ADAM22: variants seen among roughly 807,000 people sequenced by gnomAD.
ADAM22 encodes the protein disintegrin and metalloproteinase domain-containing protein 22.
Under a neutral mutation model 144.6 loss-of-function variants are expected in ADAM22, and 65 were observed. The ratio of observed to expected loss-of-function variants is 0.45; its 90% CI spans 0.37 to 0.55. ADAM22 has a LOEUF of 0.55. Among genes scored for constraint, ADAM22 ranks in the 20% least tolerant of loss-of-function variants. ADAM22 has a pLI of 0.00. For missense variants in ADAM22, 974 were observed against 1,184.9 expected (o/e 0.82, Z 2.61); for synonymous variants, 391 against 412.6 (o/e 0.95, Z 0.63).
chr7:88,177,499 A>G (rs1439563454), intron 26 of ADAM22, among the ~76,000 whole-genome samples: 3 of 152,186 alleles, frequency 2.0e-5, no homozygotes, highest in Non-Finnish European at 4.4e-5. Flanking sequence ...TGGAGGAATC[A>G]TATCAAAAAG....
At chr7:88,116,897 A>G in intron 7 of ADAM22, 83 bp downstream of exon 7, 1 of 1,041,570 alleles carries the variant, frequency 9.6e-7, no homozygotes, top group Non-Finnish European at 1.4e-6. Context: ...CTATATTTGG[A>G]ATATCATTAG....
chr7:87,940,356 T>C (rs1397187444), intron 2 of ADAM22, among the ~76,000 whole-genome samples: 1 of 152,154 alleles, frequency 6.6e-6, no homozygotes, highest in Admixed American at 6.5e-5. Context: ...AAATCAGCAA[T>C]GTATTACTTA....
At chr7:88,147,561 G>A (rs1204613178) in intron 17 of ADAM22, among the ~76,000 whole-genome samples, 2 of 152,222 alleles carry the variant, frequency 1.3e-5, no homozygotes, top group Non-Finnish European at 2.9e-5. Flanking sequence ...AATCAGTGAA[G>A]TTTGACCCAT....
intron 30 of ADAM22, 78 bp from the exon 31 acceptor site, chr7:88,193,038 G>A: frequency 6.4e-7 from 1 of 1,572,900 alleles, no homozygotes; most frequent in Non-Finnish European, 8.7e-7. Flanking sequence ...CAGAGGGTTT[G>A]TTCTGAACAC....
chr7:88,118,762 T>A (rs924409717), intron 7 of ADAM22, among the ~76,000 whole-genome samples: 1 of 151,958 alleles, frequency 6.6e-6, no homozygotes, highest in Non-Finnish European at 1.5e-5. Flanking sequence ...AAATGATTTT[T>A]AGACACATTC....
intron 3 of ADAM22, among the ~76,000 whole-genome samples, chr7:87,998,086 A>G (rs1791654885): frequency 6.6e-6 from 1 of 152,154 alleles, no homozygotes; most frequent in Admixed American, 6.5e-5. Context: ...TGAAGGCAGG[A>G]AGCATCCAGC....
At chr7:88,115,463 G>A (rs1409274299) in intron 6 of ADAM22, among the ~76,000 whole-genome samples, 1 of 152,130 alleles carries the variant, frequency 6.6e-6, no homozygotes, top group East Asian at 1.9e-4. Context: ...TTGACATCTG[G>A]TGAGGGCTCT....
intron 3 of ADAM22, among the ~76,000 whole-genome samples, chr7:88,007,271 A>G (rs1033607366): frequency 3.6e-4 from 55 of 152,304 alleles, no homozygotes; most frequent in African/African-American, 1.2e-3. Flanking sequence ...ATGGAAGAAC[A>G]TTCCATGCTC....
At chr7:88,100,175 C>T (rs1259935927) in intron 4 of ADAM22, among the ~76,000 whole-genome samples, 1 of 151,762 alleles carries the variant, frequency 6.6e-6, no homozygotes. Flanking sequence ...AGAATTATTC[C>T]AAAATAAGTC....
chr7:88,164,437 G>T (rs1842493324), intron 23 of ADAM22, among the ~76,000 whole-genome samples: 1 of 151,872 alleles, frequency 6.6e-6, no homozygotes, highest in South Asian at 2.1e-4. Flanking sequence ...TATATTTGGG[G>T]TAATTTTAAC....
At chr7:88,175,700 ATT>A (rs1303389442) in intron 26 of ADAM22, among the ~76,000 whole-genome samples, 1 of 152,222 alleles carries the variant, frequency 6.6e-6, no homozygotes, top group Non-Finnish European at 1.5e-5. Flanking sequence ...AGTTTCCAAA[ATT>A]TGATGAAATA....
At position 88,049,157 on chromosome 7, in the gene ADAM22, C is replaced by G. The variant is rs568874916; in HGVS notation, c.324-26469C>G. 1.3e-3 allele frequency among the ~76,000 whole-genome samples: 191 copies of G among 152,308 alleles called. 7 individuals are homozygous for G. In the South Asian group the frequency reaches 0.039, roughly 31 times the overall value. On this transcript the variant is annotated intron_variant, in intron 3 of 31. Transcript: ENST00000413139. ...TGGTTGTTCTCAGAAGAGGCCTCCA[C>G]CTGAGGCTTTAATGACTGCTAACTA... is the stretch of plus-strand genomic sequence containing the variant.
At chr7:88,133,385 A>AATAC (rs1832271263) in intron 12 of ADAM22, among the ~76,000 whole-genome samples, 1 of 150,724 alleles carries the variant, frequency 6.6e-6, no homozygotes, top group Admixed American at 6.6e-5. Flanking sequence ...TAAATAAATA[A>AATAC]ATAAATAAAT....
chr7:88,137,294 A>G (rs1833233813), intron 14 of ADAM22, among the ~76,000 whole-genome samples: 1 of 152,076 alleles, frequency 6.6e-6, no homozygotes, highest in Admixed American at 6.5e-5. Context: ...AAATTGTGTG[A>G]GTCTCTGATG....
At chr7:88,068,891 G>A (rs1348308138) in intron 3 of ADAM22, among the ~76,000 whole-genome samples, 1 of 152,150 alleles carries the variant, frequency 6.6e-6, no homozygotes, top group Non-Finnish European at 1.5e-5. Flanking sequence ...GGAATCTGCA[G>A]ATCTCAGATG....
intron 3 of ADAM22, among the ~76,000 whole-genome samples, chr7:88,053,722 G>C (rs1807340092): frequency 6.6e-6 from 1 of 152,104 alleles, no homozygotes; most frequent in African/African-American, 2.4e-5. Flanking sequence ...ATGTAGAAAT[G>C]TTTCATTCTT....
At chr7:88,020,603 A>G (rs1023265614) in intron 3 of ADAM22, among the ~76,000 whole-genome samples, 2 of 152,138 alleles carry the variant, frequency 1.3e-5, no homozygotes, top group African/African-American at 2.4e-5. Context: ...TGACAGTACC[A>G]CTTCTGAAAT....
intron 3 of ADAM22, among the ~76,000 whole-genome samples, chr7:88,007,983 T>G (rs1040389586): frequency 2.0e-5 from 3 of 151,638 alleles, no homozygotes; most frequent in African/African-American, 2.4e-5. Context: ...TGGGAGAAAA[T>G]TTTTGCAACC....
intron 4 of ADAM22, among the ~76,000 whole-genome samples, chr7:88,085,990 C>A (rs930156027): frequency 6.6e-6 from 1 of 152,100 alleles, no homozygotes; most frequent in African/African-American, 2.4e-5. Flanking sequence ...TCATGGCTAA[C>A]ACGGTGAAAC....
Sources: gnomAD v4.1 joint callset for allele counts (sites outside exome capture counted in the v4.1 genomes callset) on GRCh38, gnomAD v4.1.1 for gene constraint, MANE v1.5 for transcripts, NCBI Gene and HGNC (gene_info 2026-07-23, HGNC 2026-07-21) for gene names.